USP10: variants seen among roughly 807,000 people sequenced by gnomAD.
The protein encoded by USP10 is ubiquitin specific peptidase 10, also known as ubiquitin carboxyl-terminal hydrolase 10.
USP10 carries 22 observed loss-of-function variants against 84.5 expected under a neutral mutation model. The ratio of observed to expected loss-of-function variants is 0.26; its 90% CI spans 0.19 to 0.37. The LOEUF is 0.37. Ranked by LOEUF, USP10 falls within the 10% of genes least tolerant of loss-of-function variation. The probability of loss-of-function intolerance (pLI) is 1.00; values close to 1 mark genes in which losing one functional copy is unlikely to be tolerated. For synonymous variants in USP10, 454 were observed against 387.6 expected, an observed-to-expected ratio of 1.17 and a Z score of -2.01; for missense variants, 1,019 against 998.9, an observed-to-expected ratio of 1.02 and a Z score of -0.27.
At chr16:84,714,936 T>A (rs1464203976) in intron 1 of USP10, among the ~76,000 whole-genome samples, 1 of 139,808 alleles carries the variant, frequency 7.2e-6, no homozygotes, top group Non-Finnish European at 1.6e-5. Context: ...ATTATTATTA[T>A]TTTTTTTTTT....
At chr16:84,757,004 C>T (rs1912619518) in intron 4 of USP10, among the ~76,000 whole-genome samples, 1 of 152,170 alleles carries the variant, frequency 6.6e-6, no homozygotes, top group South Asian at 2.1e-4. Flanking sequence ...GTTCACAGGT[C>T]ATTTCAGCTG....
At chr16:84,742,922 T>C (rs1910791517) in intron 3 of USP10, among the ~76,000 whole-genome samples, 1 of 152,236 alleles carries the variant, frequency 6.6e-6, no homozygotes, top group African/African-American at 2.4e-5. Context: ...GTACAGCACA[T>C]CTGTGTCTTA....
intron 1 of USP10, among the ~76,000 whole-genome samples, chr16:84,712,358 G>GCTGGC (rs1906423555): frequency 6.6e-6 from 1 of 152,148 alleles, no homozygotes; most frequent in Non-Finnish European, 1.5e-5. Flanking sequence ...GGAAGCAGCC[G>GCTGGC]CTGGCCTGGC....
chr16:84,720,134 T>C (rs16974444), intron 1 of USP10, among the ~76,000 whole-genome samples: 29,409 of 152,142 alleles, frequency 0.19, 3,698 homozygotes, highest in East Asian at 0.38. Context: ...TCTAGGAGAT[T>C]TGAAGAGTCT....
intron 3 of USP10, among the ~76,000 whole-genome samples, chr16:84,744,401 T>C (rs560770587): frequency 6.6e-6 from 1 of 152,346 alleles, no homozygotes; most frequent in East Asian, 1.9e-4. Context: ...CTGAAAGCCT[T>C]CCTTAGCTAG....
chr16:84,771,251 G>C (rs1385869881), intron 11 of USP10, among the ~76,000 whole-genome samples: 1 of 152,102 alleles, frequency 6.6e-6, no homozygotes, highest in African/African-American at 2.4e-5. Flanking sequence ...CTCATGATTA[G>C]AATAAATAGC....
chr16:84,718,160 G>A (rs1204494270), intron 1 of USP10, among the ~76,000 whole-genome samples: 1 of 152,200 alleles, frequency 6.6e-6, no homozygotes, highest in African/African-American at 2.4e-5. Flanking sequence ...GGTAGTGAAA[G>A]TTAGATTTCA....
chr16:84,777,031 G>T (rs1415800640), intron 13 of USP10, among the ~76,000 whole-genome samples: 3 of 152,202 alleles, frequency 2.0e-5, no homozygotes, highest in African/African-American at 7.2e-5. Flanking sequence ...CAGGCTGGAA[G>T]CCTATTCTGA....
At chr16:84,758,978 C>A (rs528308880) in intron 5 of USP10, among the ~76,000 whole-genome samples, 171 bp downstream of exon 5, 1 of 152,158 alleles carries the variant, frequency 6.6e-6, no homozygotes, top group Non-Finnish European at 1.5e-5. Context: ...TATTCCTGAC[C>A]CCAGTCCATC....
chr16:84,779,533 C>G lies in USP10; in HGVS notation c.*451C>G, dbSNP rs1915355104. The stretch of plus-strand genomic sequence containing the variant: ...TTTTTGATAAATGATAAAAATGAGC[C>G]AGTTATCAAAGAAGAACTAGTTCTT... On this transcript the variant is annotated 3_prime_UTR_variant, in exon 14 of 14. Transcript: ENST00000219473. 6.5e-6 allele frequency: 1 copy of G among 152,932 alleles called. No homozygotes were observed. The highest frequency in any genetic ancestry group is 2.4e-5 in the African/African-American group (1 of 41,418). The allele number at this position is 152,932 out of a possible 1,614,324, so 9.5% of individuals were successfully genotyped here.
intron 4 of USP10, among the ~76,000 whole-genome samples, chr16:84,748,070 C>T (rs562430142): frequency 3.8e-5 from 5 of 133,094 alleles, no homozygotes; most frequent in Admixed American, 8.9e-5. Context: ...AGGAGAATGG[C>T]GTGAACCTGG....
chr16:84,700,083 G>T lies in USP10; in HGVS notation c.-8G>T. ...GAGGATCGCGGAGTCCCAATGAAAC[G>T]GGCAGCCATGGCCCTCCACAGCCCG... On this transcript the variant is annotated 5_prime_UTR_variant, in exon 1 of 14. Coordinates refer to ENST00000219473, the MANE Select transcript of USP10 (RefSeq NM_005153.3). 7.3e-7 allele frequency: 1 copy of T among 1,372,478 alleles called. No homozygotes were observed. Among genetic ancestry groups the T allele is most frequent in the South Asian group, 1.4e-5 (1 of 73,782 alleles). The allele number at this position is 1,372,478 out of a possible 1,614,324, so 85.0% of individuals were successfully genotyped here.
At position 84,713,822 on chromosome 16, in the gene USP10, A is replaced by G. The variant is rs7206264; in HGVS notation, c.21+13711A>G. On this transcript the variant is annotated intron_variant, in intron 1 of 13. Transcript: ENST00000219473. ...AGATGAGCCTTTGGAACTGAGTTCTATAGTTTGCAGAGTCAGCCAGGCCAG... is the reference window on the plus strand; with the variant it reads ...AGATGAGCCTTTGGAACTGAGTTCTGTAGTTTGCAGAGTCAGCCAGGCCAG... Among the ~76,000 whole-genome samples the G allele has an allele frequency of 2.9e-3, 438 of 152,348 alleles. 4 individuals are homozygous for G. The highest frequency in any genetic ancestry group is 8.3e-3 in the African/African-American group (344 of 41,586).
intron 1 of USP10, among the ~76,000 whole-genome samples, chr16:84,702,720 C>A (rs1293679125): frequency 6.6e-6 from 1 of 151,894 alleles, no homozygotes; most frequent in Admixed American, 6.6e-5. Context: ...CAGGCCAGCG[C>A]GGTGGCTCGT....
intron 2 of USP10, among the ~76,000 whole-genome samples, chr16:84,734,820 GTA>G (rs1269843664): frequency 6.6e-6 from 1 of 152,202 alleles, no homozygotes; most frequent in East Asian, 1.9e-4. Flanking sequence ...ACTGAATTTT[GTA>G]TATGTGTGAG....
At chr16:84,777,165 G>A (rs964311773) in intron 13 of USP10, among the ~76,000 whole-genome samples, 4 of 152,218 alleles carry the variant, frequency 2.6e-5, no homozygotes, top group Non-Finnish European at 4.4e-5. Context: ...CTTTTCAGGC[G>A]GTTCTCAGCG....
At chr16:84,741,620 T>G (rs893793245) in intron 3 of USP10, among the ~76,000 whole-genome samples, 4 of 152,190 alleles carry the variant, frequency 2.6e-5, no homozygotes, top group African/African-American at 9.7e-5. Flanking sequence ...TTTCAGTGAC[T>G]GCTTCTTGGC....
At position 84,744,869 on chromosome 16, in the gene USP10, G is replaced by A. The variant is rs200099821; in HGVS notation, c.388G>A (p.Val130Met). The A allele has an allele frequency of 1.1e-4, 173 of 1,613,658 alleles. 1 individual carries two copies. The highest frequency in any genetic ancestry group is 2.2e-5 in the East Asian group (1 of 44,902). ...CCTCGCTTTGGATGGAAGTTCTAAT[G>A]TGGAGGCGGAAGTTTTGGAAAATGA... Reference protein sequence around the residue: ...SALALDGSSNVEAEVLENDGV... With the variant: ...SALALDGSSNMEAEVLENDGV... Residue 130 changes from valine to methionine, a missense_variant, in exon 4 of 14, where the codon GTG (valine) becomes ATG (methionine). Physicochemically the swap from Val to Met is conservative, Grantham distance 21. Around this residue, in one of 2 missense-constraint regions of USP10, gnomAD observed 787 missense variants for 708.8 expected, o/e 1.11. Coordinates refer to ENST00000219473, the MANE Select transcript of USP10 (RefSeq NM_005153.3).
intron 2 of USP10, among the ~76,000 whole-genome samples, chr16:84,734,060 C>T (rs893737862): frequency 1.3e-4 from 20 of 152,124 alleles, no homozygotes; most frequent in African/African-American, 4.8e-4. Flanking sequence ...CTAGTTCAGC[C>T]GTTAAAAATA....
Sources: allele counts gnomAD v4.1 joint callset (sites outside exome capture counted in the v4.1 genomes callset), GRCh38; gene constraint gnomAD v4.1.1; regional missense constraint gnomAD v4.1.1; transcripts MANE v1.5; gene names NCBI Gene and HGNC (gene_info 2026-07-23, HGNC 2026-07-21).